Variants in CYP2U1 observed in about 807,000 individuals in gnomAD.
CYP2U1 encodes cytochrome P450 2U1.
CYP2U1 carries 28 observed loss-of-function variants against 42.8 expected under a neutral mutation model. The observed-to-expected ratio is 0.65, with a 90% CI of 0.48 to 0.90. CYP2U1 has a LOEUF of 0.90. Ranked by LOEUF, CYP2U1 falls within the 40% of genes least tolerant of loss-of-function variation. The probability of loss-of-function intolerance (pLI) is 0.00; values close to 1 mark genes in which losing one functional copy is unlikely to be tolerated. For synonymous variants in CYP2U1, 296 were observed against 278.9 expected, an observed-to-expected ratio of 1.06 and a Z score of -0.61; for missense variants, 642 against 693.8, an observed-to-expected ratio of 0.93 and a Z score of 0.84.
At chr4:107,933,990 G>T (rs1733154764) in intron 1 of CYP2U1, among the ~76,000 whole-genome samples, 1 of 151,970 alleles carries the variant, frequency 6.6e-6, no homozygotes, top group Non-Finnish European at 1.5e-5. Flanking sequence ...CTCCAACTTT[G>T]GGCTATTGTG....
chr4:107,932,588 A>G (rs964245853), intron 1 of CYP2U1, among the ~76,000 whole-genome samples: 3 of 152,260 alleles, frequency 2.0e-5, no homozygotes, highest in Admixed American at 1.3e-4. Flanking sequence ...TAAAAAGTCC[A>G]GAAAACACAG....
chr4:107,934,159 C>T (rs1174882211), intron 1 of CYP2U1, among the ~76,000 whole-genome samples: 1 of 142,494 alleles, frequency 7.0e-6, no homozygotes, highest in Non-Finnish European at 1.5e-5. Context: ...TTCTCCACGT[C>T]CTCACCAACA....
chr4:107,932,227 C>G, intron 1 of CYP2U1, 94 bp downstream of exon 1: 1 of 1,470,850 alleles, frequency 6.8e-7, no homozygotes, highest in South Asian at 1.4e-5. Flanking sequence ...TTCCGGCCGC[C>G]CGCGCCCCCA....
At chr4:107,945,912 C>T (rs1214751694) in intron 2 of CYP2U1, among the ~76,000 whole-genome samples, 1 of 152,184 alleles carries the variant, frequency 6.6e-6, no homozygotes, top group African/African-American at 2.4e-5. Flanking sequence ...TAATGCTGAT[C>T]TGAACACATC....
chr4:107,949,352 C>A lies in CYP2U1; in HGVS notation c.1291C>A (p.Leu431Ile). 1 of 1,524,186 alleles carries A rather than the reference C, an allele frequency of 6.6e-7. No homozygotes were observed. Among genetic ancestry groups the A allele is most frequent in the Non-Finnish European group, 8.8e-7 (1 of 1,133,884 alleles). The allele number at this position is 1,524,186 out of a possible 1,614,324, so 94.4% of individuals were successfully genotyped here. ...IPHMTSENTV[L>I]QGYTIPKGTL... Reference sequence around the variant, plus strand: ...CCATATGTTTCCTTTTGTTTTAGTGCTCCAAGGGTATACCATTCCTAAAGG... The same window carrying A: ...CCATATGTTTCCTTTTGTTTTAGTGATCCAAGGGTATACCATTCCTAAAGG... Residue 431 changes from leucine (L) to isoleucine (I), a missense_variant and splice_region_variant, in exon 4 of 5, where the codon CTC (leucine) becomes ATC (isoleucine). Coordinates refer to ENST00000332884, the MANE Select transcript of CYP2U1 (RefSeq NM_183075.3).
chr4:107,945,688 CT>C, intron 2 of CYP2U1, 83 bp downstream of exon 2: 1 of 1,478,174 alleles, frequency 6.8e-7, no homozygotes, highest in South Asian at 1.4e-5. Context: ...CTGGTGGCTT[CT>C]AACACTGAGC....
At chr4:107,949,575 TTTTA>T in intron 4 of CYP2U1, 58 bp downstream of exon 4, 1 of 1,287,962 alleles carries the variant, frequency 7.8e-7, no homozygotes, top group Non-Finnish European at 1.0e-6. Context: ...TAAAATAATA[TTTTA>T]TTATTTCATG....
Position 107,950,612 on chromosome 4 carries a change from AT to A in CYP2U1, c.*193del. ...GATTCCTCAGCAGGATACTTCAGCC[AT>A]TTTAGTAATGCAGGTCTGTGATTTG... On this transcript the variant is annotated 3_prime_UTR_variant, in exon 5 of 5. Coordinates refer to ENST00000332884, the MANE Select transcript of CYP2U1 (RefSeq NM_183075.3). The A allele has an allele frequency of 2.0e-6, 1 of 490,114 alleles. No homozygotes were observed. The highest frequency in any genetic ancestry group is 3.5e-6 in the Non-Finnish European group (1 of 289,382). 30.4% of individuals were successfully genotyped at this position (490,114 alleles called of 1,614,324 possible).
chr4:107,945,465 G>C lies in CYP2U1; in HGVS notation c.986G>C (p.Arg329Thr). The change falls in exon 2 of 5, where the codon AGG becomes ACG. Residue 329 changes from arginine (R) to threonine (T), a missense_variant. Arg to Thr is a moderately conservative substitution (Grantham distance 71). Transcript: ENST00000332884. ...TACCTTCTCCACATGGAAGAGGAGA[G>C]GAAAAATAATAGTAACAGCAGTTTT... ...DMYLLHMEEE[R>T]KNNSNSSFDE... 6.2e-7 allele frequency: 1 copy of C among 1,614,078 alleles called. No individual in the cohort carries two copies. The highest frequency in any genetic ancestry group is 8.5e-7 in the Non-Finnish European group (1 of 1,180,014).
chr4:107,947,511 T>C lies in CYP2U1; in HGVS notation c.1262T>C (p.Ile421Thr). 1.9e-6 allele frequency: 3 copies of C among 1,614,096 alleles called. No individual in the cohort carries two copies. The African/African-American group carries it at 4.0e-5, about 22-fold the overall frequency. The change falls in exon 3 of 5, where the codon ATT becomes ACT. Residue 421 changes from isoleucine to threonine, a missense_variant. Physicochemically the swap from Ile to Thr is moderately conservative, Grantham distance 89. Transcript: ENST00000332884. Reference protein sequence around the residue: ...QRLTVVVPLAIPHMTSENTVL... With the variant: ...QRLTVVVPLATPHMTSENTVL... ...CTAACTGTGGTGGTGCCGCTTGCCA[T>C]TCCTCATATGACCTCAGAGAACACA...
intron 2 of CYP2U1, among the ~76,000 whole-genome samples, chr4:107,946,654 C>T (rs1380248731): frequency 6.6e-6 from 1 of 152,100 alleles, no homozygotes; most frequent in East Asian, 1.9e-4. Flanking sequence ...GGCATTATCT[C>T]CCAGTTTCTG....
chr4:107,949,311 G>T, intron 3 of CYP2U1, 39 bp from the exon 4 acceptor site: 1 of 1,402,826 alleles, frequency 7.1e-7, no homozygotes, highest in Non-Finnish European at 9.4e-7. Context: ...ACTAGTAAAA[G>T]CATACTGAAT....
At chr4:107,943,415 C>T (rs539377134) in intron 1 of CYP2U1, among the ~76,000 whole-genome samples, 74 of 152,296 alleles carry the variant, frequency 4.9e-4, no homozygotes, top group African/African-American at 1.7e-3. Flanking sequence ...TTTAGAAATT[C>T]GCCTCCCATG....
rs979798894 is a variant in CYP2U1 at position 107,950,557 on chromosome 4, T to A, written c.*134T>A. 2.3e-6 allele frequency: 2 copies of A among 862,196 alleles called. No individual in the cohort carries two copies. The highest frequency in any genetic ancestry group is 3.4e-6 in the Non-Finnish European group (2 of 595,004). The allele number at this position is 862,196 out of a possible 1,614,324, so 53.4% of individuals were successfully genotyped here. A position where few individuals can be genotyped will look rare whatever the true frequency, so the allele number is the denominator to read the frequency against. ...CTGGGCTCAGAGGTCGGAAGGAGGG[T>A]AGAGCACACTGGGAGGTTTCATCTT... On this transcript the variant is annotated 3_prime_UTR_variant, in exon 5 of 5. Transcript: ENST00000332884.
rs539068584 is a variant in CYP2U1 at position 107,945,119 on chromosome 4, G to A, written c.640G>A (p.Gly214Arg). 1.9e-5 allele frequency: 30 copies of A among 1,613,738 alleles called. No homozygotes were observed. The highest frequency in any genetic ancestry group is 5.5e-5 in the South Asian group (5 of 91,062). The part of the protein sequence containing the change: ...KYVKAEMQKH[G>R]EDPFCPFSII... ...TGTGAAAGCAGAAATGCAAAAGCAC[G>A]GAGAAGACCCCTTCTGCCCTTTCTC... Residue 214 changes from glycine to arginine, a missense_variant, in exon 2 of 5, where the codon GGA becomes AGA. Coordinates refer to ENST00000332884, the MANE Select transcript of CYP2U1 (RefSeq NM_183075.3).
At chr4:107,932,934 T>C (rs1461169431) in intron 1 of CYP2U1, among the ~76,000 whole-genome samples, 1 of 152,230 alleles carries the variant, frequency 6.6e-6, no homozygotes, top group Admixed American at 6.5e-5. Context: ...AAACTGACGC[T>C]ACATAACTTT....
chr4:107,941,813 G>A (rs922005828), intron 1 of CYP2U1, among the ~76,000 whole-genome samples: 22 of 152,054 alleles, frequency 1.4e-4, no homozygotes, highest in Admixed American at 1.1e-3. Flanking sequence ...AGAGGAACAT[G>A]TTCCAATTTT....
rs768614203 is a variant in CYP2U1 at position 107,945,482 on chromosome 4, A to G, written c.1003A>G (p.Ser335Gly). ...MEEERKNNSNSSFDEEYLFYI... is the reference protein window; with the variant it reads ...MEEERKNNSNGSFDEEYLFYI... Reference sequence around the variant, plus strand: ...AGAGGAGAGGAAAAATAATAGTAACAGCAGTTTTGATGAAGAGTACTTATT... The same window carrying G: ...AGAGGAGAGGAAAAATAATAGTAACGGCAGTTTTGATGAAGAGTACTTATT... The change falls in exon 2 of 5, where the codon AGC becomes GGC. Residue 335 changes from serine (S) to glycine (G), a missense_variant. Ser to Gly is a moderately conservative substitution (Grantham distance 56, BLOSUM62 0). Coordinates refer to ENST00000332884, the MANE Select transcript of CYP2U1 (RefSeq NM_183075.3). 2.5e-6 allele frequency: 4 copies of G among 1,614,094 alleles called. No individual in the cohort carries two copies. Among genetic ancestry groups the G allele is most frequent in the Non-Finnish European group, 3.4e-6 (4 of 1,180,004 alleles).
intron 2 of CYP2U1, among the ~76,000 whole-genome samples, chr4:107,946,106 C>A (rs1733689850): frequency 6.6e-6 from 1 of 152,186 alleles, no homozygotes; most frequent in Non-Finnish European, 1.5e-5. Flanking sequence ...TTACCACAAA[C>A]CGAGTGGCTT....
Sources: gnomAD v4.1 joint callset for allele counts (sites outside exome capture counted in the v4.1 genomes callset) on GRCh38, gnomAD v4.1.1 for gene constraint, MANE v1.5 for transcripts, NCBI Gene and HGNC (gene_info 2026-07-23, HGNC 2026-07-21) for gene names.